Variants in NIPA1 observed in about 807,000 individuals in gnomAD.
The protein encoded by NIPA1 is magnesium transporter NIPA1.
In NIPA1, 13 loss-of-function variants were observed where a neutral mutation model predicts 23.9. That is an observed-to-expected ratio of 0.54 (90% CI 0.35 to 0.87). NIPA1 has a LOEUF of 0.87. NIPA1 is among the 40% of genes least tolerant of loss of function. The pLI is 0.01. For synonymous variants in NIPA1, 234 were observed against 202.9 expected (o/e 1.15, Z -1.30); for missense variants, 362 against 429.7 (o/e 0.84, Z 1.39).
chr15:22,793,210 G>A (rs1316629861), intron 1 of NIPA1, among the ~76,000 whole-genome samples: 11 of 151,426 alleles, frequency 7.3e-5, no homozygotes, highest in South Asian at 2.1e-4. Flanking sequence ...TTAGCCGGGC[G>A]TGGTGGCACA....
intron 1 of NIPA1, among the ~76,000 whole-genome samples, chr15:22,798,238 CTTTT>C (rs10582336): frequency 5.8e-4 from 73 of 124,862 alleles, no homozygotes; most frequent in Admixed American, 9.8e-4. Flanking sequence ...TGCTAAAAAT[CTTTT>C]TTTTTTTTTT....
Position 22,825,559 on chromosome 15 carries a change from C to T in NIPA1, c.*1320C>T, listed in dbSNP as rs1895633922. The T allele has an allele frequency of 6.6e-6, 1 of 152,110 alleles. No individual in the cohort carries two copies. The highest frequency in any genetic ancestry group is 1.5e-5 in the Non-Finnish European group (1 of 68,024). 9.4% of individuals were successfully genotyped at this position (152,110 alleles called of 1,614,324 possible). ...ATTCTTTATCAGCAAGCATTCATGG[C>T]CATTCAGAAGAAATAAATTAGGTAA... On this transcript the variant is annotated 3_prime_UTR_variant, in exon 5 of 5. Transcript: ENST00000337435.
intron 1 of NIPA1, among the ~76,000 whole-genome samples, chr15:22,803,296 C>T (rs1213156344): frequency 2.6e-5 from 4 of 151,762 alleles, no homozygotes; most frequent in East Asian, 1.9e-4. Flanking sequence ...TGAGCCACCA[C>T]GCCTGGCTGG....
At chr15:22,813,746 T>G (rs940858922) in intron 3 of NIPA1, 6 of 451,768 alleles carry the variant, frequency 1.3e-5, no homozygotes, top group Admixed American at 1.2e-4. Flanking sequence ...GTTTTTCACA[T>G]GCGACGCCTT....
intron 1 of NIPA1, among the ~76,000 whole-genome samples, chr15:22,798,999 C>T (rs1895006145): frequency 6.6e-6 from 1 of 151,834 alleles, no homozygotes; most frequent in Non-Finnish European, 1.5e-5. Context: ...TTAGTTCAAC[C>T]CCTGTGGAAA....
intron 1 of NIPA1, among the ~76,000 whole-genome samples, chr15:22,799,090 G>A (rs1354092853): frequency 6.6e-6 from 1 of 151,948 alleles, no homozygotes; most frequent in Non-Finnish European, 1.5e-5. Flanking sequence ...TCTACTCAAA[G>A]GAAAATAAAT....
At chr15:22,789,462 CTG>C (rs1217996739) in intron 1 of NIPA1, among the ~76,000 whole-genome samples, 2 of 152,174 alleles carry the variant, frequency 1.3e-5, no homozygotes, top group Admixed American at 1.3e-4. Flanking sequence ...CTTTCCATCC[CTG>C]TGAGCCACCC....
rs770261341 is a variant in NIPA1, at chr15:22,820,407, A to G, written c.412A>G (p.Ile138Val). ...LSCAGSVVLI[I>V]HSPKSESVTT... ...CTGTGCAGGCTCCGTCGTGCTGATT[A>G]TCCACTCCCCAAAGTCTGAGAGTGT... is the stretch of plus-strand genomic sequence containing the variant. The change falls in exon 4 of 5, where the codon ATC becomes GTC. Residue 138 changes from isoleucine (I) to valine (V), a missense_variant. Physicochemically the swap from Ile to Val is conservative, Grantham distance 29. Transcript: ENST00000337435. 6.2e-7 allele frequency: 1 copy of G among 1,612,524 alleles called. No homozygotes were observed. The highest frequency in any genetic ancestry group is 1.1e-5 in the South Asian group (1 of 91,060).
chr15:22,787,258 C>A (rs529250017), intron 1 of NIPA1, among the ~76,000 whole-genome samples: 2 of 152,106 alleles, frequency 1.3e-5, no homozygotes, highest in African/African-American at 2.4e-5. Context: ...TGCTCGAGCC[C>A]AGCGCCCGCC....
intron 4 of NIPA1, 38 bp from the exon 5 acceptor site, chr15:22,823,690 C>T (rs774213093): frequency 1.1e-5 from 18 of 1,572,116 alleles, no homozygotes; most frequent in Non-Finnish European, 1.4e-5. Flanking sequence ...GGCTGCTAGG[C>T]GGTGGCTCCG....
intron 1 of NIPA1, among the ~76,000 whole-genome samples, chr15:22,795,316 C>T (rs1475158376): frequency 1.3e-5 from 2 of 152,048 alleles, no homozygotes; most frequent in Non-Finnish European, 2.9e-5. Flanking sequence ...TACCGAAGCC[C>T]CATGGTGTCC....
chr15:22,818,524 C>T (rs967192958), intron 3 of NIPA1, among the ~76,000 whole-genome samples: 1 of 148,452 alleles, frequency 6.7e-6, no homozygotes, highest in Admixed American at 6.7e-5. Context: ...CAGCCAGGCG[C>T]AGTGGCTCAT....
chr15:22,788,328 C>T (rs1168326372), intron 1 of NIPA1, among the ~76,000 whole-genome samples: 1 of 151,752 alleles, frequency 6.6e-6, no homozygotes, highest in African/African-American at 2.4e-5. Flanking sequence ...GACGAAACCC[C>T]ATCTCTACTA....
At chr15:22,801,665 C>A (rs1434097834) in intron 1 of NIPA1, among the ~76,000 whole-genome samples, 1 of 151,822 alleles carries the variant, frequency 6.6e-6, no homozygotes, top group African/African-American at 2.4e-5. Context: ...TACAGGCACC[C>A]GCCACCGCGC....
intron 1 of NIPA1, among the ~76,000 whole-genome samples, chr15:22,806,800 A>G (rs1200882983): frequency 6.6e-6 from 1 of 152,090 alleles, no homozygotes; most frequent in African/African-American, 2.4e-5. Flanking sequence ...CTGGCAAAAG[A>G]AGGAGGAGGG....
chr15:22,822,829 A>G, intron 4 of NIPA1, among the ~76,000 whole-genome samples: 1 of 151,954 alleles, frequency 6.6e-6, no homozygotes, highest in East Asian at 1.9e-4. Flanking sequence ...ACTCCATCTC[A>G]AAAAAACAAA....
At chr15:22,821,200 C>T (rs916474440) in intron 4 of NIPA1, among the ~76,000 whole-genome samples, 5 of 151,894 alleles carry the variant, frequency 3.3e-5, no homozygotes, top group South Asian at 2.1e-4. Flanking sequence ...CTCCTGACCT[C>T]GTGATCCGCC....
At chr15:22,793,051 ACT>A (rs1238889681) in intron 1 of NIPA1, among the ~76,000 whole-genome samples, 1 of 151,734 alleles carries the variant, frequency 6.6e-6, no homozygotes, top group Non-Finnish European at 1.5e-5. Flanking sequence ...ACGGAGTGAG[ACT>A]CTGTCTCAAA....
intron 1 of NIPA1, among the ~76,000 whole-genome samples, chr15:22,794,911 G>A (rs1204070230): frequency 6.6e-6 from 1 of 152,126 alleles, no homozygotes; most frequent in Non-Finnish European, 1.5e-5. Flanking sequence ...CCTGAGGGAT[G>A]ATGGCCTATT....
Sources: allele counts gnomAD v4.1 joint callset (sites outside exome capture counted in the v4.1 genomes callset), GRCh38; gene constraint gnomAD v4.1.1; transcripts MANE v1.5; gene names NCBI Gene and HGNC (gene_info 2026-07-23, HGNC 2026-07-21).